FPR1: variants seen among roughly 807,000 people sequenced by gnomAD.
The protein encoded by FPR1 is formyl peptide receptor 1.
For synonymous variants in FPR1, 193 were observed against 176.7 expected (o/e 1.09, Z -0.73); for missense variants, 407 against 453.0 (o/e 0.90, Z 0.92).
chr19:51,747,818 C>T lies in FPR1; in HGVS notation c.-11-813G>A, dbSNP rs562899205. ...AATGAAGCACTGATATATGCTACAA[C>T]GTGGCTGAACCTTGAAAACATTACT... On this transcript the variant is annotated intron_variant, in intron 1 of 1. Transcript: ENST00000304748. Among the ~76,000 whole-genome samples the T allele has an allele frequency of 5.9e-5, 9 of 152,130 alleles. No homozygotes were observed. In the East Asian group the frequency reaches 7.7e-4, roughly 13 times the overall value.
chr19:51,745,784 C>A lies in FPR1; in HGVS notation c.*158G>T, dbSNP rs563356185. The A allele has an allele frequency of 1.1e-5, 7 of 647,738 alleles. No individual in the cohort carries two copies. The highest frequency in any genetic ancestry group is 1.6e-5 in the Non-Finnish European group (6 of 371,182). 40.1% of individuals were successfully genotyped at this position (647,738 alleles called of 1,614,324 possible). A position where few individuals can be genotyped will look rare whatever the true frequency, so the allele number is the denominator to read the frequency against. On this transcript the variant is annotated 3_prime_UTR_variant, in exon 2 of 2. Transcript: ENST00000304748. ...AAAGAAGTCAATAATAAACTCATAT[C>A]TGTTTATTCTCCCCAAATCAGGGGA...
At chr19:51,745,681 G>A (rs1435869149), downstream of FPR1, 20 of 437,368 alleles carry the variant, frequency 4.6e-5, no homozygotes, top group Admixed American at 1.5e-4. Flanking sequence ...GTTCATTTCA[G>A]GCAAACTAGG....
Position 51,746,124 on chromosome 19 carries a change from A to G in FPR1, c.871T>C (p.Phe291Leu). 1 of 1,614,222 alleles carries G rather than the reference A, an allele frequency of 6.2e-7. No individual in the cohort carries two copies. Among genetic ancestry groups the G allele is most frequent in the African/African-American group, 1.3e-5 (1 of 75,056 alleles). The stretch of plus-strand genomic sequence containing the variant: ...ATGGGGTTGAGGCAGCTGTTGAAGA[A>G]GGCCAGGGCACTTGTCACATCCACT... ...IAVDVTSALA[F>L]FNSCLNPMLY... Residue 291 changes from phenylalanine (F) to leucine (L), a missense_variant, in exon 2 of 2, where the codon TTC (phenylalanine) becomes CTC (leucine). By Grantham distance (22) the Phe-to-Leu change is conservative (BLOSUM62 0). Transcript: ENST00000304748. This position sits in a 1 kb window ranked among gnomAD's most constrained non-coding sequence, Gnocchi z 4.3.
rs772780081 is a variant in FPR1, at chr19:51,746,337, T to G, written c.658A>C (p.Ser220Arg). ...FSAPMSIVAVSYGLIATKIHK... is the reference protein window; with the variant it reads ...FSAPMSIVAVRYGLIATKIHK... ...ATCTTGGTGGCAATAAGCCCATAACTGACAGCAACGATGGACATGGGTGCG... is the reference window on the plus strand; with the variant it reads ...ATCTTGGTGGCAATAAGCCCATAACGGACAGCAACGATGGACATGGGTGCG... The change falls in exon 2 of 2, where the codon AGT becomes CGT. Residue 220 changes from serine to arginine, a missense_variant. Transcript: ENST00000304748. This position sits in a 1 kb window ranked among gnomAD's most constrained non-coding sequence, Gnocchi z 4.3. 9 of 1,612,028 alleles carry G rather than the reference T, an allele frequency of 5.6e-6. No individual in the cohort carries two copies. In the African/African-American group the frequency reaches 1.1e-4, roughly 19 times the overall value.
chr19:51,746,845 C>T lies in FPR1; in HGVS notation c.150G>A (p.Val50=). Residue 50 remains valine (V), a synonymous_variant, in exon 2 of 2, where the codon GTG becomes GTA. Coordinates refer to ENST00000304748, the MANE Select transcript of FPR1 (RefSeq NM_002029.4). The surrounding 1 kb of genome is among the most constrained non-coding windows in gnomAD (Gnocchi z 4.3). The stretch of plus-strand genomic sequence containing the variant: ...CTGTGTGTGTCATCCGGAATCCAGC[C>T]ACCCAGATCACAAGCCCGTTGCCCA... ...GVLGNGLVIW[V]AGFRMTHTVT... is the part of the protein sequence containing the mutation. 1 of 1,614,130 alleles carries T rather than the reference C, an allele frequency of 6.2e-7. No homozygotes were observed. Among genetic ancestry groups the T allele is most frequent in the Non-Finnish European group, 8.5e-7 (1 of 1,180,034 alleles).
Position 51,749,912 on chromosome 19 carries a change from C to G in FPR1, c.-12+1902G>C, listed in dbSNP as rs538649416. 3.3e-5 allele frequency among the ~76,000 whole-genome samples: 5 copies of G among 152,256 alleles called. No individual in the cohort carries two copies. The Middle Eastern group carries it at 0.01, about 313-fold the overall frequency. Reference sequence around the variant, plus strand: ...TCTCAAACTCTTGAGCTCAGGCAGTCCACCTGCCTCAGCCTCCCAAAGTGC... The same window carrying G: ...TCTCAAACTCTTGAGCTCAGGCAGTGCACCTGCCTCAGCCTCCCAAAGTGC... On this transcript the variant is annotated intron_variant, in intron 1 of 1. Transcript: ENST00000304748.
In FPR1 at chr19:51,745,872, G is replaced by T; in HGVS notation, c.*70C>A. ...ATCCTAAAATAAGCAGGAAATGCCTGTGGCTCAGCCTAACTCAAGGTGAGA... is the reference window on the plus strand; with the variant it reads ...ATCCTAAAATAAGCAGGAAATGCCTTTGGCTCAGCCTAACTCAAGGTGAGA... On this transcript the variant is annotated 3_prime_UTR_variant, in exon 2 of 2. Coordinates refer to ENST00000304748, the MANE Select transcript of FPR1 (RefSeq NM_002029.4). 2 of 1,268,534 alleles carry T rather than the reference G, an allele frequency of 1.6e-6. No individual in the cohort carries two copies. The highest frequency in any genetic ancestry group is 1.1e-6 in the Non-Finnish European group (1 of 898,938). The allele number at this position is 1,268,534 out of a possible 1,614,324, so 78.6% of individuals were successfully genotyped here. A position where few individuals can be genotyped will look rare whatever the true frequency, so the allele number is the denominator to read the frequency against.
intron 1 of FPR1, among the ~76,000 whole-genome samples, chr19:51,747,221 C>CTTTTTTTT (rs55849683): frequency 0.019 from 2,745 of 141,274 alleles, 90 homozygotes; most frequent in African/African-American, 0.058. Context: ...AAGATTACAT[C>CTTTTTTTT]TTTTTTTTTT....
intron 1 of FPR1, among the ~76,000 whole-genome samples, chr19:51,749,521 T>C (rs976876968): frequency 1.3e-5 from 2 of 152,222 alleles, no homozygotes; most frequent in African/African-American, 4.8e-5. Flanking sequence ...CTCAGCACTC[T>C]TGGGGATGTA....
intron 1 of FPR1, among the ~76,000 whole-genome samples, chr19:51,747,689 C>T (rs996391817): frequency 2.0e-5 from 3 of 152,102 alleles, no homozygotes; most frequent in African/African-American, 7.2e-5. Flanking sequence ...ACACTCCTCC[C>T]TATAGCCAAA....
At position 51,746,823 on chromosome 19, in the gene FPR1, T is replaced by C; in HGVS notation, c.172A>G (p.Thr58Ala). Residue 58 changes from threonine (T) to alanine (A), a missense_variant, in exon 2 of 2, where the codon ACA becomes GCA. Thr to Ala is a moderately conservative substitution (Grantham distance 58). Coordinates refer to ENST00000304748, the MANE Select transcript of FPR1 (RefSeq NM_002029.4). The surrounding 1 kb of genome is among the most constrained non-coding windows in gnomAD (Gnocchi z 4.3). ...TTCAGGTAACTGATGGTGGTGACTG[T>C]GTGTGTCATCCGGAATCCAGCCACC... is the stretch of plus-strand genomic sequence containing the variant. The part of the protein sequence containing the change: ...IWVAGFRMTH[T>A]VTTISYLNLA... The C allele has an allele frequency of 6.2e-7, 1 of 1,613,986 alleles. No homozygotes were observed. Among genetic ancestry groups the C allele is most frequent in the Admixed American group, 1.7e-5 (1 of 59,988 alleles).
Position 51,746,972 on chromosome 19 carries a change from G to T in FPR1, c.23C>A (p.Pro8His). Reference sequence around the variant, plus strand: ...AGGTGTCCCTCCAGAGATGTTCGTGGGGAGAGAGGAATTTGTCTCCATCTT... The same window carrying T: ...AGGTGTCCCTCCAGAGATGTTCGTGTGGAGAGAGGAATTTGTCTCCATCTT... METNSSL[P>H]TNISGGTPAV... Residue 8 changes from proline (P) to histidine (H), a missense_variant, in exon 2 of 2, where the codon CCC becomes CAC. Physicochemically the swap from Pro to His is moderately conservative, Grantham distance 77 (BLOSUM62 -2). Transcript: ENST00000304748. This position sits in a 1 kb window ranked among gnomAD's most constrained non-coding sequence, Gnocchi z 4.3. 6.2e-7 allele frequency: 1 copy of T among 1,612,322 alleles called. No individual in the cohort carries two copies. The highest frequency in any genetic ancestry group is 8.5e-7 in the Non-Finnish European group (1 of 1,178,678).
At position 51,746,949 on chromosome 19, in the gene FPR1, G is replaced by GT; in HGVS notation, c.45dup (p.Pro16ThrfsTer56). The stretch of plus-strand genomic sequence containing the variant: ...AAGAGATAGCCAGCAGATACAGCAG[G>GT]TGTCCCTCCAGAGATGTTCGTGGGG... On this transcript the variant is annotated frameshift_variant, in exon 2 of 2. Coordinates refer to ENST00000304748, the MANE Select transcript of FPR1 (RefSeq NM_002029.4). LOFTEE classifies it low-confidence loss of function (END_TRUNC). The surrounding 1 kb of genome is among the most constrained non-coding windows in gnomAD (Gnocchi z 4.3). 1.2e-6 allele frequency: 2 copies of GT among 1,614,080 alleles called. No homozygotes were observed. Among genetic ancestry groups the GT allele is most frequent in the Non-Finnish European group, 1.7e-6 (2 of 1,179,992 alleles).
chr19:51,745,658 G>T, downstream of FPR1: 1 of 367,570 alleles, frequency 2.7e-6, no homozygotes, highest in Non-Finnish European at 5.0e-6. Context: ...TAATAATAAT[G>T]GGTATTATTT....
In FPR1 at chr19:51,746,367, A is replaced by C. The variant is rs1282829962; in HGVS notation, c.628T>G (p.Phe210Val). 1.9e-6 allele frequency: 3 copies of C among 1,614,110 alleles called. No individual in the cohort carries two copies. The African/African-American group carries it at 4.0e-5, about 22-fold the overall frequency. ...GCAACGATGGACATGGGTGCGCTGA[A>C]GCCAATGATGAACCGGATGATGCCT... ...VRGIIRFIIG[F>V]SAPMSIVAVS... Residue 210 changes from phenylalanine to valine, a missense_variant, in exon 2 of 2, where the codon TTC becomes GTC. Physicochemically the swap from Phe to Val is conservative, Grantham distance 50 (BLOSUM62 -1). Coordinates refer to ENST00000304748, the MANE Select transcript of FPR1 (RefSeq NM_002029.4). The surrounding 1 kb of genome is among the most constrained non-coding windows in gnomAD (Gnocchi z 4.3).
Position 51,751,853 on chromosome 19 carries a change from C to A in FPR1, c.-51G>T, listed in dbSNP as rs1221041625. ...AGCTGTGGTCTTGCTCTGGGTAGTT[C>A]TAGGTCTGGGTCTCCTGGGGAGAGT... On this transcript the variant is annotated 5_prime_UTR_variant, in exon 1 of 2. Transcript: ENST00000304748. 2 of 152,334 alleles carry A rather than the reference C, an allele frequency of 1.3e-5. No homozygotes were observed. Among genetic ancestry groups the A allele is most frequent in the Non-Finnish European group, 2.9e-5 (2 of 68,186 alleles). The allele number at this position is 152,334 out of a possible 1,614,324, so 9.4% of individuals were successfully genotyped here. A position where few individuals can be genotyped will look rare whatever the true frequency, so the allele number is the denominator to read the frequency against.
At chr19:51,745,231 C>G (rs981472989), downstream of FPR1, 1 of 151,842 alleles carries the variant, frequency 6.6e-6, no homozygotes, top group South Asian at 2.1e-4. Context: ...TCTTGGCTCA[C>G]TACAACCTCC....
chr19:51,745,969 A>T lies in FPR1; in HGVS notation c.1026T>A (p.Ser342=), dbSNP rs748291297. The change falls in exon 2 of 2, where the codon TCT becomes TCA. Residue 342 remains serine (S), a synonymous_variant. Coordinates refer to ENST00000304748, the MANE Select transcript of FPR1 (RefSeq NM_002029.4). ...ACTTTGCCTGTAACTCCACCTCTGCAGAAGGTAAAGTAGAATTGGTAGCTG... is the reference window on the plus strand; with the variant it reads ...ACTTTGCCTGTAACTCCACCTCTGCTGAAGGTAAAGTAGAATTGGTAGCTG... ...SDTATNSTLP[S]AEVELQAK 1 of 1,612,660 alleles carries T rather than the reference A, an allele frequency of 6.2e-7. No individual in the cohort carries two copies. The highest frequency in any genetic ancestry group is 1.1e-5 in the South Asian group (1 of 91,058).
Position 51,746,860 on chromosome 19 carries a change from C to T in FPR1, c.135G>A (p.Gly45=), listed in dbSNP as rs1445865229. The part of the protein sequence containing the change: ...VTFVLGVLGN[G]LVIWVAGFRM... ...GGAATCCAGCCACCCAGATCACAAG[C>T]CCGTTGCCCAGGACCCCGAGGACAA... The change falls in exon 2 of 2, where the codon GGG becomes GGA. Residue 45 remains glycine (G), a synonymous_variant. Coordinates refer to ENST00000304748, the MANE Select transcript of FPR1 (RefSeq NM_002029.4). The surrounding 1 kb of genome is among the most constrained non-coding windows in gnomAD (Gnocchi z 4.3). 2 of 1,613,998 alleles carry T rather than the reference C, an allele frequency of 1.2e-6. No individual in the cohort carries two copies. The highest frequency in any genetic ancestry group is 1.7e-6 in the Non-Finnish European group (2 of 1,180,036).
Sources: allele counts gnomAD v4.1 joint callset (sites outside exome capture counted in the v4.1 genomes callset), GRCh38; gene constraint gnomAD v4.1.1; non-coding constraint Gnocchi (gnomAD v3.1); transcripts MANE v1.5; gene names NCBI Gene and HGNC (gene_info 2026-07-23, HGNC 2026-07-21).